ADGRL2: variants seen among roughly 807,000 people sequenced by gnomAD.
ADGRL2 encodes the protein calcium-independent alpha-latrotoxin receptor 2.
In ADGRL2, 44 loss-of-function variants were observed where a neutral mutation model predicts 157.4. The ratio of observed to expected loss-of-function variants is 0.28; its 90% CI spans 0.22 to 0.36. ADGRL2 has a LOEUF of 0.36. ADGRL2 is among the 10% of genes least tolerant of loss of function. The pLI is 1.00. For missense variants in ADGRL2, 1,510 were observed against 1,768.9 expected, an observed-to-expected ratio of 0.85 and a Z score of 2.63; for synonymous variants, 585 against 624.7, an observed-to-expected ratio of 0.94 and a Z score of 0.95.
intron 2 of ADGRL2, among the ~76,000 whole-genome samples, chr1:81,558,868 T>C (rs939173540): frequency 6.6e-6 from 1 of 152,192 alleles, no homozygotes; most frequent in African/African-American, 2.4e-5. Context: ...GTTCTTGGAC[T>C]GGTGTCATGC....
chr1:81,973,953 A>ATATC, intron 17 of ADGRL2, among the ~76,000 whole-genome samples: 1 of 152,208 alleles, frequency 6.6e-6, no homozygotes, highest in East Asian at 1.9e-4. Context: ...ATATATATAT[A>ATATC]TCTTCCCTCT....
chr1:81,395,342 A>T (rs575341777), intron 1 of ADGRL2, among the ~76,000 whole-genome samples: 20 of 150,630 alleles, frequency 1.3e-4, no homozygotes, highest in Non-Finnish European at 2.6e-4. Flanking sequence ...TTTGAGAGAG[A>T]TGCTTATTCA....
chr1:81,361,581 A>T (rs2075979254), intron 1 of ADGRL2, among the ~76,000 whole-genome samples: 1 of 151,964 alleles, frequency 6.6e-6, no homozygotes, highest in Non-Finnish European at 1.5e-5. Context: ...TATTTGTTGA[A>T]TGAATAGATA....
intron 3 of ADGRL2, among the ~76,000 whole-genome samples, chr1:81,929,096 A>G (rs1024849478): frequency 6.6e-6 from 1 of 152,138 alleles, no homozygotes; most frequent in Admixed American, 6.6e-5. Flanking sequence ...TTCTGTCATG[A>G]TATACTGAGC....
chr1:81,349,370 T>A (rs1662707234), intron 1 of ADGRL2, among the ~76,000 whole-genome samples: 1 of 152,172 alleles, frequency 6.6e-6, no homozygotes, highest in South Asian at 2.1e-4. Context: ...CATGTTGTCT[T>A]AGGATGTAAA....
chr1:81,905,363 G>A (rs1375117815), intron 2 of ADGRL2, among the ~76,000 whole-genome samples: 1 of 152,130 alleles, frequency 6.6e-6, no homozygotes, highest in African/African-American at 2.4e-5. Flanking sequence ...CTCCCAAAGT[G>A]CTGGGATTAC....
intron 1 of ADGRL2, among the ~76,000 whole-genome samples, chr1:81,721,451 T>C (rs952433861): frequency 8.5e-5 from 13 of 152,108 alleles, no homozygotes. Flanking sequence ...TATTGGCTTT[T>C]GTAAGTTAAA....
At chr1:81,634,986 C>T (rs1248299730) in intron 3 of ADGRL2, among the ~76,000 whole-genome samples, 1 of 152,120 alleles carries the variant, frequency 6.6e-6, no homozygotes, top group Non-Finnish European at 1.5e-5. Context: ...TTTGCTTGAC[C>T]TCCACAGGTG....
intron 2 of ADGRL2, among the ~76,000 whole-genome samples, chr1:81,452,135 A>G (rs552869562): frequency 6.6e-6 from 1 of 152,126 alleles, no homozygotes; most frequent in South Asian, 2.1e-4. Flanking sequence ...ACATTGTGTG[A>G]AAACCTAACT....
chr1:81,722,206 T>C (rs1033951658), intron 1 of ADGRL2: 10 of 372,424 alleles, frequency 2.7e-5, no homozygotes, highest in African/African-American at 2.1e-4. Context: ...GGCAGGAGAA[T>C]GGCATGAACC....
At chr1:81,690,859 G>T (rs921450767) in intron 3 of ADGRL2, among the ~76,000 whole-genome samples, 6 of 152,164 alleles carry the variant, frequency 3.9e-5, no homozygotes, top group Non-Finnish European at 8.8e-5. Context: ...ACTTCAAGAG[G>T]TTTATTTCCC....
chr1:81,730,213 C>A (rs1478346587), intron 1 of ADGRL2, among the ~76,000 whole-genome samples: 1 of 152,160 alleles, frequency 6.6e-6, no homozygotes, highest in African/African-American at 2.4e-5. Context: ...TGGCCAACAC[C>A]AGGCACATTG....
Position 81,889,469 on chromosome 1 carries a change from C to T in ADGRL2, c.74-17548C>T, listed in dbSNP as rs795421. Among the ~76,000 whole-genome samples the T allele has an allele frequency of 4.7e-3, 710 of 152,292 alleles. 9 individuals carry two copies. Among genetic ancestry groups the T allele is most frequent in the African/African-American group, 0.017 (690 of 41,566 alleles). ...AGCAAGGCCCCAACTGTCTTCAATTCTATGAACGCTGAGAGGTGAGGAAGA... is the reference window on the plus strand; with the variant it reads ...AGCAAGGCCCCAACTGTCTTCAATTTTATGAACGCTGAGAGGTGAGGAAGA... On this transcript the variant is annotated intron_variant, in intron 2 of 23. Transcript: ENST00000686636.
intron 1 of ADGRL2, among the ~76,000 whole-genome samples, chr1:81,352,003 A>G (rs1428391422): frequency 6.6e-6 from 1 of 152,248 alleles, no homozygotes; most frequent in Non-Finnish European, 1.5e-5. Context: ...TCATACCGGC[A>G]TACACAGATG....
chr1:81,424,024 T>G (rs2077170412), intron 1 of ADGRL2, among the ~76,000 whole-genome samples: 1 of 152,220 alleles, frequency 6.6e-6, no homozygotes. Flanking sequence ...GACAATATAT[T>G]TTAGCATTAT....
intron 2 of ADGRL2, among the ~76,000 whole-genome samples, chr1:81,776,662 T>C (rs1006837353): frequency 7.2e-5 from 11 of 152,226 alleles, no homozygotes; most frequent in African/African-American, 2.7e-4. Flanking sequence ...TTAGTTTATA[T>C]AATTTGGTCA....
chr1:81,909,782 T>G (rs2094670607), intron 3 of ADGRL2, among the ~76,000 whole-genome samples: 1 of 152,154 alleles, frequency 6.6e-6, no homozygotes, highest in Non-Finnish European at 1.5e-5. Flanking sequence ...CAGTTGCCTT[T>G]TCTTTAAAAT....
chr1:81,744,784 T>C (rs1343897607), intron 1 of ADGRL2, among the ~76,000 whole-genome samples: 2 of 152,174 alleles, frequency 1.3e-5, no homozygotes, highest in African/African-American at 4.8e-5. Flanking sequence ...CGTATTTAGG[T>C]TCCTCTTTCT....
chr1:81,815,696 A>G (rs949625021), intron 1 of ADGRL2, among the ~76,000 whole-genome samples: 3 of 151,774 alleles, frequency 2.0e-5, no homozygotes, highest in Admixed American at 6.6e-5. Context: ...CATAACCTTT[A>G]CCTACTTTAA....
Sources: allele counts gnomAD v4.1 joint callset (sites outside exome capture counted in the v4.1 genomes callset), GRCh38; gene constraint gnomAD v4.1.1; transcripts MANE v1.5; gene names NCBI Gene and HGNC (gene_info 2026-07-23, HGNC 2026-07-21).